Variants in DLG2 observed in about 807,000 individuals in gnomAD.
The protein encoded by DLG2 is discs large MAGUK scaffold protein 2, also known as disks large homolog 2.
DLG2 carries 45 observed loss-of-function variants against 132.5 expected under a neutral mutation model. The ratio of observed to expected loss-of-function variants is 0.34; its 90% CI spans 0.27 to 0.44. The LOEUF is 0.44. Among genes scored for constraint, DLG2 ranks in the 20% least tolerant of loss-of-function variants. The pLI is 1.00. For missense variants in DLG2, 1,045 were observed against 1,196.9 expected (o/e 0.87, Z 1.87); for synonymous variants, 424 against 419.6 (o/e 1.01, Z -0.13).
intron 6 of DLG2, among the ~76,000 whole-genome samples, chr11:84,654,951 A>G (rs972045288): frequency 6.6e-6 from 1 of 152,158 alleles, no homozygotes; most frequent in African/African-American, 2.4e-5. Flanking sequence ...TGGGAAACTC[A>G]CTTTTTTCTA....
chr11:85,197,162 A>C (rs756046563), intron 4 of DLG2, among the ~76,000 whole-genome samples: 10 of 152,234 alleles, frequency 6.6e-5, no homozygotes, highest in Non-Finnish European at 1.3e-4. Flanking sequence ...ATAATTTGGC[A>C]GACCTTTCTA....
chr11:84,434,449 G>T (rs1383464168), intron 7 of DLG2, among the ~76,000 whole-genome samples: 1 of 152,048 alleles, frequency 6.6e-6, no homozygotes, highest in African/African-American at 2.4e-5. Flanking sequence ...AGTCAGTTTT[G>T]GAATACCTTG....
In DLG2 at chr11:85,085,633, A is replaced by T. The variant is rs2067822178; in HGVS notation, c.357+26028T>A. ...ACTAGACTAAGACTATCATTTATCAAATACTTATCCTGTACCAGGACCTAT... is the reference window on the plus strand; with the variant it reads ...ACTAGACTAAGACTATCATTTATCATATACTTATCCTGTACCAGGACCTAT... On this transcript the variant is annotated intron_variant, in intron 6 of 27. Transcript: ENST00000376104. Among the ~76,000 whole-genome samples, 4 of 152,132 alleles carry T rather than the reference A, an allele frequency of 2.6e-5. No homozygotes were observed. The South Asian group carries it at 8.3e-4, about 31-fold the overall frequency.
intron 6 of DLG2, among the ~76,000 whole-genome samples, chr11:84,831,693 T>C (rs1022488071): frequency 6.6e-6 from 1 of 151,702 alleles, no homozygotes; most frequent in Non-Finnish European, 1.5e-5. Flanking sequence ...ACTCTGCATT[T>C]CTGGCTGCCT....
intron 6 of DLG2, among the ~76,000 whole-genome samples, chr11:84,636,262 G>A (rs146040677): frequency 6.6e-5 from 10 of 152,304 alleles, no homozygotes; most frequent in African/African-American, 2.2e-4. Flanking sequence ...ATTTGGCCGA[G>A]AAATAGCCAC....
chr11:83,761,743 T>A (rs185434132), intron 18 of DLG2, among the ~76,000 whole-genome samples: 1 of 152,320 alleles, frequency 6.6e-6, no homozygotes, highest in East Asian at 1.9e-4. Flanking sequence ...TGCTGTTGTG[T>A]GTTCCCTAAT....
intron 4 of DLG2, among the ~76,000 whole-genome samples, chr11:85,185,128 G>A (rs1311171028): frequency 6.6e-6 from 1 of 151,746 alleles, no homozygotes; most frequent in Admixed American, 6.6e-5. Flanking sequence ...TGTATTTTCA[G>A]TTCAGCTTAC....
At chr11:83,640,153 C>A (rs1284776363) in intron 18 of DLG2, among the ~76,000 whole-genome samples, 2 of 152,164 alleles carry the variant, frequency 1.3e-5, no homozygotes, top group Non-Finnish European at 2.9e-5. Flanking sequence ...ATCCAAGCAA[C>A]AGAGACTGCT....
chr11:83,504,514 G>C (rs976636622), intron 21 of DLG2, among the ~76,000 whole-genome samples: 6 of 152,124 alleles, frequency 3.9e-5, no homozygotes, highest in Non-Finnish European at 8.8e-5. Context: ...TTCCTTTTTA[G>C]CCTGCTGACT....
At chr11:85,595,873 T>G (rs2079717978) in intron 3 of DLG2, among the ~76,000 whole-genome samples, 1 of 152,216 alleles carries the variant, frequency 6.6e-6, no homozygotes, top group Non-Finnish European at 1.5e-5. Flanking sequence ...ACAGAATTCC[T>G]CAAAGAAGAT....
chr11:85,305,388 T>C (rs1280314571), intron 3 of DLG2, among the ~76,000 whole-genome samples: 1 of 152,232 alleles, frequency 6.6e-6, no homozygotes, highest in Admixed American at 6.5e-5. Context: ...GAGTACCACT[T>C]GTCACCAACG....
intron 6 of DLG2, among the ~76,000 whole-genome samples, chr11:85,053,614 C>G (rs193036014): frequency 1.8e-3 from 247 of 137,562 alleles, no homozygotes; most frequent in African/African-American, 6.5e-3. Context: ...CGGTGAAACC[C>G]CATCTCTACT....
At chr11:84,733,505 T>C (rs1051964008) in intron 6 of DLG2, among the ~76,000 whole-genome samples, 1 of 152,172 alleles carries the variant, frequency 6.6e-6, no homozygotes, top group African/African-American at 2.4e-5. Context: ...TCTTGTAAAT[T>C]TGTTTCATTT....
chr11:83,556,614 C>T (rs2096525551), intron 19 of DLG2, among the ~76,000 whole-genome samples: 1 of 152,156 alleles, frequency 6.6e-6, no homozygotes, highest in Non-Finnish European at 1.5e-5. Flanking sequence ...TCAAGTGATG[C>T]TCCTGTCTCA....
intron 16 of DLG2, among the ~76,000 whole-genome samples, chr11:83,857,726 A>G (rs1191645509): frequency 1.3e-5 from 2 of 152,150 alleles, no homozygotes; most frequent in African/African-American, 4.8e-5. Flanking sequence ...ATTCTAACAA[A>G]TGTACTTCTC....
chr11:85,033,950 T>A (rs1339900441), intron 6 of DLG2, among the ~76,000 whole-genome samples: 1 of 152,174 alleles, frequency 6.6e-6, no homozygotes, highest in East Asian at 1.9e-4. Flanking sequence ...AATACTAATT[T>A]CATGAGAGAT....
chr11:85,404,246 T>C (rs1237879400), intron 3 of DLG2, among the ~76,000 whole-genome samples: 2 of 151,696 alleles, frequency 1.3e-5, no homozygotes, highest in Non-Finnish European at 2.9e-5. Flanking sequence ...AGACATGAAA[T>C]AGGAGAAAGT....
chr11:85,552,814 T>C (rs2076740031), intron 3 of DLG2, among the ~76,000 whole-genome samples: 1 of 151,442 alleles, frequency 6.6e-6, no homozygotes, highest in South Asian at 2.1e-4. Flanking sequence ...CATCTATCTA[T>C]TTAAATAGGA....
chr11:84,363,831 C>T lies in DLG2; in HGVS notation c.520-112540G>A, dbSNP rs562474568. ...AGATCAGATAGTTGTAGATATGCGG[C>T]GTTATTTCTGAGGGCTCTGTTCTGT... On this transcript the variant is annotated intron_variant, in intron 7 of 27. Transcript: ENST00000376104. Among the ~76,000 whole-genome samples the T allele has an allele frequency of 1.9e-3, 291 of 151,722 alleles. 2 individuals carry two copies. Among genetic ancestry groups the T allele is most frequent in the African/African-American group, 6.7e-3 (278 of 41,296 alleles).
Sources: gnomAD v4.1 joint callset for allele counts (sites outside exome capture counted in the v4.1 genomes callset) on GRCh38, gnomAD v4.1.1 for gene constraint, MANE v1.5 for transcripts, NCBI Gene and HGNC (gene_info 2026-07-23, HGNC 2026-07-21) for gene names.